The following ACSL3 variants were observed in gnomAD, a reference collection of about 807,000 sequenced individuals.
ACSL3 encodes fatty acid CoA ligase Acsl3.
In ACSL3, 34 loss-of-function variants were observed where a neutral mutation model predicts 84.7. The observed-to-expected ratio is 0.40, with a 90% CI of 0.31 to 0.53. The LOEUF (loss-of-function observed/expected upper bound fraction) is 0.53, where lower values mean the gene tolerates loss of function less well. Ranked by LOEUF, ACSL3 falls within the 20% of genes least tolerant of loss-of-function variation. ACSL3 has a pLI of 0.48. For synonymous variants in ACSL3, 315 were observed against 299.4 expected (o/e 1.05, Z -0.54); for missense variants, 680 against 873.1 (o/e 0.78, Z 2.79).
chr2:222,941,174 C>A (rs1276865956), intron 16 of ACSL3, among the ~76,000 whole-genome samples: 1 of 152,146 alleles, frequency 6.6e-6, no homozygotes, highest in Admixed American at 6.5e-5. Context: ...AAGCGATCCT[C>A]CTGCCTGAGC....
intron 3 of ACSL3, among the ~76,000 whole-genome samples, chr2:222,906,862 C>G (rs1273947387): frequency 1.3e-5 from 2 of 152,162 alleles, no homozygotes; most frequent in South Asian, 4.1e-4. Flanking sequence ...TTCTGTCCTC[C>G]CTGGCCTCCC....
chr2:222,933,102 G>T, intron 14 of ACSL3, 64 bp from the exon 15 acceptor site: 2 of 957,658 alleles, frequency 2.1e-6, no homozygotes, highest in South Asian at 1.5e-5. Flanking sequence ...ATTTATATAT[G>T]TATTAAATGT....
At chr2:222,903,688 TGAA>T (rs1294084632) in intron 3 of ACSL3, among the ~76,000 whole-genome samples, 1 of 152,258 alleles carries the variant, frequency 6.6e-6, no homozygotes. Flanking sequence ...GTATATTCTC[TGAA>T]ATAGTCTTCC....
chr2:222,870,809 T>C (rs768784050), intron 1 of ACSL3, among the ~76,000 whole-genome samples: 2 of 151,982 alleles, frequency 1.3e-5, no homozygotes, highest in Non-Finnish European at 2.9e-5. Flanking sequence ...TTGTGGAGAG[T>C]CTTAAGTACT....
rs962068844 is a variant in ACSL3, at chr2:222,933,617, G to A, written c.1847+337G>A. ...TTCACAGAACTACTCCAGAGGAATG[G>A]GGAGTAAAGAAGTGGCAGTGAGGAG... On this transcript the variant is annotated intron_variant, in intron 15 of 16. Coordinates refer to ENST00000357430, the MANE Select transcript of ACSL3 (RefSeq NM_004457.5). The A allele has an allele frequency of 5.1e-5, 9 of 176,950 alleles. No homozygotes were observed. The East Asian group carries it at 1.4e-3, about 27-fold the overall frequency. 11.0% of individuals were successfully genotyped at this position (176,950 alleles called of 1,614,324 possible).
chr2:222,916,541 ATT>A, intron 5 of ACSL3, 45 bp downstream of exon 5: 1 of 1,481,092 alleles, frequency 6.8e-7, no homozygotes, highest in Non-Finnish European at 9.0e-7. Context: ...CTTAACTGAT[ATT>A]TATTGAAATA....
chr2:222,927,555 T>C (rs1183141784), intron 12 of ACSL3, among the ~76,000 whole-genome samples: 1 of 152,210 alleles, frequency 6.6e-6, no homozygotes, highest in Non-Finnish European at 1.5e-5. Context: ...TTTGTGTAGG[T>C]GAGTATATTA....
At chr2:222,871,282 A>G (rs1416130182) in intron 1 of ACSL3, among the ~76,000 whole-genome samples, 1 of 152,190 alleles carries the variant, frequency 6.6e-6, no homozygotes, top group Non-Finnish European at 1.5e-5. Context: ...TGTGGAAAGG[A>G]GAATTCAGTT....
intron 16 of ACSL3, among the ~76,000 whole-genome samples, chr2:222,937,430 C>G (rs1234173586): frequency 6.6e-6 from 1 of 151,762 alleles, no homozygotes; most frequent in Non-Finnish European, 1.5e-5. Context: ...TATTGTATTG[C>G]TTTCTATTTC....
intron 1 of ACSL3, among the ~76,000 whole-genome samples, chr2:222,868,244 G>A (rs1466108223): frequency 6.6e-6 from 1 of 152,104 alleles, no homozygotes; most frequent in African/African-American, 2.4e-5. Context: ...TGAGCTCAGA[G>A]TTAAGATTGC....
chr2:222,935,922 C>T (rs527303448), intron 16 of ACSL3, among the ~76,000 whole-genome samples: 17 of 152,060 alleles, frequency 1.1e-4, no homozygotes, highest in African/African-American at 4.1e-4. Context: ...ACACTAATTC[C>T]CCTTCCCTCT....
chr2:222,884,903 T>G (rs969966709), intron 1 of ACSL3, among the ~76,000 whole-genome samples: 3 of 152,242 alleles, frequency 2.0e-5, no homozygotes, highest in African/African-American at 7.2e-5. Context: ...TTTATAGTGA[T>G]TTCCTTGACC....
chr2:222,943,085 C>CAAAAAAAAAA lies in ACSL3; in HGVS notation c.*1436_*1445dup, dbSNP rs11331027. 5.3e-6 allele frequency: 1 copy of CAAAAAAAAAA among 188,374 alleles called. No homozygotes were observed. Among genetic ancestry groups the CAAAAAAAAAA allele is most frequent in the Non-Finnish European group, 1.1e-5 (1 of 93,972 alleles). 11.7% of individuals were successfully genotyped at this position (188,374 alleles called of 1,614,324 possible). A position where few individuals can be genotyped will look rare whatever the true frequency, so the allele number is the denominator to read the frequency against. ...ACTGTAGGCATCAAAAGGCAAAAAT[C>CAAAAAAAAAA]AAAAAAAAAAAAAACAAAAACAAAA... On this transcript the variant is annotated 3_prime_UTR_variant, in exon 17 of 17. Coordinates refer to ENST00000357430, the MANE Select transcript of ACSL3 (RefSeq NM_004457.5).
At chr2:222,911,198 C>T (rs925166077) in intron 4 of ACSL3, among the ~76,000 whole-genome samples, 1 of 151,980 alleles carries the variant, frequency 6.6e-6, no homozygotes, top group African/African-American at 2.4e-5. Flanking sequence ...TACAGGCATG[C>T]GCCACCACGT....
chr2:222,938,599 T>C (rs1559306238), intron 16 of ACSL3, among the ~76,000 whole-genome samples: 1 of 152,184 alleles, frequency 6.6e-6, no homozygotes, highest in Non-Finnish European at 1.5e-5. Context: ...ACAGCTTGAT[T>C]ACGAGTGTGT....
At chr2:222,918,549 G>A (rs991262777) in intron 6 of ACSL3, among the ~76,000 whole-genome samples, 22 of 127,688 alleles carry the variant, frequency 1.7e-4, no homozygotes, top group Admixed American at 5.0e-4. Context: ...AGTTAAAAAG[G>A]GAGACTTTTA....
intron 1 of ACSL3, 61 bp from the exon 2 acceptor site, chr2:222,887,769 C>T (rs773779825): frequency 4.6e-5 from 7 of 152,070 alleles, no homozygotes; most frequent in Non-Finnish European, 7.4e-5. Flanking sequence ...AGTTGGCATT[C>T]GGCTCTGATT....
intron 15 of ACSL3, among the ~76,000 whole-genome samples, 163 bp from the exon 16 acceptor site, chr2:222,934,367 C>T (rs989055516): frequency 6.6e-6 from 1 of 152,158 alleles, no homozygotes; most frequent in African/African-American, 2.4e-5. Flanking sequence ...ATGAATCAAA[C>T]AGTAAAACTG....
chr2:222,939,248 T>C (rs1697244816), intron 16 of ACSL3, among the ~76,000 whole-genome samples: 1 of 152,208 alleles, frequency 6.6e-6, no homozygotes, highest in Non-Finnish European at 1.5e-5. Context: ...CAGTCTGCTT[T>C]TGTATTGAGA....
Sources: allele counts gnomAD v4.1 joint callset (sites outside exome capture counted in the v4.1 genomes callset), GRCh38; gene constraint gnomAD v4.1.1; transcripts MANE v1.5; gene names NCBI Gene and HGNC (gene_info 2026-07-23, HGNC 2026-07-21).